SV2C: variants seen among roughly 807,000 people sequenced by gnomAD.
SV2C encodes the protein solute carrier family 22 member B3.
Under a neutral mutation model 79.7 loss-of-function variants are expected in SV2C, and 49 were observed. The ratio of observed to expected loss-of-function variants is 0.61; its 90% CI spans 0.49 to 0.78. The LOEUF is 0.78. Ranked by LOEUF, SV2C falls within the 30% of genes least tolerant of loss-of-function variation. The pLI is 0.00. For missense variants in SV2C, 833 were observed against 912.9 expected (o/e 0.91, Z 1.13); for synonymous variants, 334 against 333.2 (o/e 1.00, Z -0.03).
the SV2C span, among the ~76,000 whole-genome samples, chr5:75,955,282 C>A: frequency 6.7e-6 from 1 of 148,778 alleles, no homozygotes; most frequent in African/African-American, 2.5e-5. Context: ...CTGAGAAAAA[C>A]AAGCAATGGG....
At chr5:76,100,364 T>G (rs982771647) in intron 1 of SV2C, among the ~76,000 whole-genome samples, 1 of 152,202 alleles carries the variant, frequency 6.6e-6, no homozygotes, top group African/African-American at 2.4e-5. Context: ...TAAAGAGCAC[T>G]CTTTCCTATG....
the SV2C span, among the ~76,000 whole-genome samples, chr5:75,950,249 T>A: frequency 6.6e-6 from 1 of 151,988 alleles, no homozygotes; most frequent in African/African-American, 2.4e-5. Flanking sequence ...ACTTTAGTAA[T>A]AAACATAATT....
chr5:76,110,229 G>T (rs1748054229), intron 1 of SV2C, among the ~76,000 whole-genome samples: 1 of 152,168 alleles, frequency 6.6e-6, no homozygotes, highest in African/African-American at 2.4e-5. Context: ...AGGGCTGGTG[G>T]GGGCAGAGGC....
intron 8 of SV2C, among the ~76,000 whole-genome samples, chr5:76,293,993 A>G (rs769118922): frequency 3.3e-5 from 5 of 152,186 alleles, no homozygotes; most frequent in African/African-American, 7.2e-5. Context: ...GTCACTGGGA[A>G]TAAACTAGAG....
the SV2C span, among the ~76,000 whole-genome samples, chr5:76,053,901 A>G: frequency 1.4e-4 from 22 of 152,132 alleles, no homozygotes; most frequent in Non-Finnish European, 1.5e-5. Flanking sequence ...GTAATATTAT[A>G]TATTAGGATA....
intron 2 of SV2C, chr5:76,173,522 A>G: frequency 9.1e-7 from 1 of 1,101,472 alleles, no homozygotes; most frequent in Non-Finnish European, 1.4e-6. Flanking sequence ...CACCACAGGA[A>G]AGTCCATTTA....
Position 76,327,006 on chromosome 5 carries a change from A to T in SV2C, c.*1459A>T, listed in dbSNP as rs1018159552. ...CAATATTCCTTTTTTAACTGCCTCG[A>T]TAGAGGTTTATTCTTGTTACTTATT... On this transcript the variant is annotated 3_prime_UTR_variant, in exon 13 of 13. Coordinates refer to ENST00000502798, the MANE Select transcript of SV2C (RefSeq NM_014979.4). 6.6e-6 allele frequency: 1 copy of T among 152,044 alleles called. No individual in the cohort carries two copies. The highest frequency in any genetic ancestry group is 1.5e-5 in the Non-Finnish European group (1 of 68,028). 9.4% of individuals were successfully genotyped at this position (152,044 alleles called of 1,614,324 possible). A position where few individuals can be genotyped will look rare whatever the true frequency, so the allele number is the denominator to read the frequency against.
chr5:76,064,915 G>C, the SV2C span, among the ~76,000 whole-genome samples: 1 of 152,130 alleles, frequency 6.6e-6, no homozygotes, highest in East Asian at 1.9e-4. Flanking sequence ...AACAGAGAAA[G>C]CTATTTTCCT....
intron 5 of SV2C, 74 bp downstream of exon 5, chr5:76,285,369 C>A: frequency 6.3e-7 from 1 of 1,574,878 alleles, no homozygotes; most frequent in Non-Finnish European, 8.6e-7. Context: ...TCTAGGAAAG[C>A]ACATTTGCCT....
In SV2C at chr5:76,148,992, G is replaced by A. The variant is rs1057450920; in HGVS notation, c.580+16662G>A. Among the ~76,000 whole-genome samples, 7 of 152,242 alleles carry A rather than the reference G, an allele frequency of 4.6e-5. No homozygotes were observed. The East Asian group carries it at 1.4e-3, about 29-fold the overall frequency. ...CACTCTCCTCCCCAAGATATTCCAA[G>A]GTCGGGGTAGTTAGGGTTGCCAGAT... On this transcript the variant is annotated intron_variant, in intron 2 of 12. Coordinates refer to ENST00000502798, the MANE Select transcript of SV2C (RefSeq NM_014979.4).
chr5:76,038,097 C>T, the SV2C span, among the ~76,000 whole-genome samples: 4 of 152,222 alleles, frequency 2.6e-5, no homozygotes, highest in African/African-American at 2.4e-5. Flanking sequence ...TGCCGTGCTT[C>T]GGCTCACGCA....
intron 12 of SV2C, among the ~76,000 whole-genome samples, chr5:76,342,883 T>C (rs1428482148): frequency 7.7e-6 from 1 of 129,766 alleles, no homozygotes; most frequent in Non-Finnish European, 1.7e-5. Context: ...TCTCTCTCTC[T>C]CTCTTTTTTT....
intron 4 of SV2C, among the ~76,000 whole-genome samples, chr5:76,214,090 G>GTT (rs961928195): frequency 3.1e-4 from 47 of 152,064 alleles, no homozygotes; most frequent in Non-Finnish European, 4.7e-4. Flanking sequence ...GTGCATATAT[G>GTT]TGTGTGTGTA....
the SV2C span, among the ~76,000 whole-genome samples, chr5:76,057,758 A>G: frequency 6.6e-6 from 1 of 152,144 alleles, no homozygotes; most frequent in East Asian, 1.9e-4. Context: ...GTGACTGACT[A>G]CAATTATTAT....
At chr5:76,274,411 G>T (rs747089728) in intron 4 of SV2C, among the ~76,000 whole-genome samples, 1 of 151,772 alleles carries the variant, frequency 6.6e-6, no homozygotes, top group Non-Finnish European at 1.5e-5. Flanking sequence ...TTTCCTCCTA[G>T]TCATTTTCTA....
At chr5:75,991,437 ATATT>A in the SV2C span, among the ~76,000 whole-genome samples, 3 of 151,222 alleles carry the variant, frequency 2.0e-5, no homozygotes, top group Non-Finnish European at 4.4e-5. Flanking sequence ...AAATTTAAAT[ATATT>A]TATAAGCAAT....
intron 2 of SV2C, chr5:76,173,493 T>G: frequency 1.1e-6 from 1 of 874,716 alleles, no homozygotes; most frequent in East Asian, 2.4e-5. Context: ...GTAGCTTTCA[T>G]CCGCCTCTTA....
the SV2C span, among the ~76,000 whole-genome samples, chr5:75,858,126 G>A: frequency 6.6e-6 from 1 of 152,158 alleles, no homozygotes; most frequent in African/African-American, 2.4e-5. Flanking sequence ...CTCTAGCTGG[G>A]ATTCCCAGTC....
chr5:75,871,462 C>T, the SV2C span, among the ~76,000 whole-genome samples: 4 of 151,940 alleles, frequency 2.6e-5, no homozygotes, highest in African/African-American at 9.7e-5. Flanking sequence ...ATGTAGAAAG[C>T]CCCCAAAAGT....
Sources: allele counts gnomAD v4.1 joint callset (sites outside exome capture counted in the v4.1 genomes callset), GRCh38; gene constraint gnomAD v4.1.1; transcripts MANE v1.5; gene names NCBI Gene and HGNC (gene_info 2026-07-23, HGNC 2026-07-21).